The following DNAJB6 variants were observed in gnomAD, a reference collection of about 807,000 sequenced individuals.
The protein encoded by DNAJB6 is dnaJ homolog subfamily B member 6.
Under a neutral mutation model 42.7 loss-of-function variants are expected in DNAJB6, and 16 were observed. That is an observed-to-expected ratio of 0.37 (90% CI 0.25 to 0.57). The LOEUF (loss-of-function observed/expected upper bound fraction) is 0.57, where lower values mean the gene tolerates loss of function less well. Ranked by LOEUF, DNAJB6 falls within the 20% of genes least tolerant of loss-of-function variation. The pLI is 0.74. For synonymous variants in DNAJB6, 170 were observed against 163.5 expected (o/e 1.04, Z -0.30); for missense variants, 347 against 416.8 (o/e 0.83, Z 1.46).
At chr7:157,342,829 C>T (rs1390601737) in intron 1 of DNAJB6, among the ~76,000 whole-genome samples, 2 of 152,008 alleles carry the variant, frequency 1.3e-5, no homozygotes, top group Non-Finnish European at 2.9e-5. Context: ...AAGAAATGGT[C>T]TCTGATCTTG....
chr7:157,367,238 T>C lies in DNAJB6; in HGVS notation c.236-135T>C. On this transcript the variant is annotated intron_variant, in intron 4 of 9. Coordinates refer to ENST00000262177, the MANE Select transcript of DNAJB6 (RefSeq NM_058246.4). ...TCAGTACAGGGCTCATGTTTTGAAT[T>C]ATAGAGAACTTCAGGTTTATGAAAT... 4.7e-6 allele frequency: 3 copies of C among 635,450 alleles called. 1 individual carries two copies. Among genetic ancestry groups the C allele is most frequent in the Admixed American group, 5.2e-5 (2 of 38,360 alleles). The allele number at this position is 635,450 out of a possible 1,614,324, so 39.4% of individuals were successfully genotyped here. A position where few individuals can be genotyped will look rare whatever the true frequency, so the allele number is the denominator to read the frequency against.
intron 8 of DNAJB6, among the ~76,000 whole-genome samples, chr7:157,402,352 C>T (rs886206802): frequency 6.6e-5 from 10 of 152,230 alleles, no homozygotes; most frequent in African/African-American, 1.7e-4. Context: ...CCATGCTGCC[C>T]GTGCAGTGGC....
At chr7:157,343,264 A>G (rs763364667) in intron 1 of DNAJB6, among the ~76,000 whole-genome samples, 5 of 151,752 alleles carry the variant, frequency 3.3e-5, no homozygotes, top group Non-Finnish European at 5.9e-5. Context: ...GGTTCAAGCA[A>G]TTCTCCTGCC....
At chr7:157,386,036 A>G (rs1204279860) in intron 8 of DNAJB6, 1 of 989,702 alleles carries the variant, frequency 1.0e-6, no homozygotes, top group African/African-American at 1.7e-5. Flanking sequence ...CATTGCCAGG[A>G]CGATTCTTCT....
intron 8 of DNAJB6, among the ~76,000 whole-genome samples, chr7:157,390,282 C>T (rs891602597): frequency 6.6e-5 from 10 of 152,218 alleles, no homozygotes; most frequent in Admixed American, 5.2e-4. Context: ...GAAGGACCTG[C>T]GTCTTGGCTT....
chr7:157,366,653 G>GTATC (rs1468374604), intron 4 of DNAJB6, 92 bp downstream of exon 4: 21 of 1,193,150 alleles, frequency 1.8e-5, no homozygotes, highest in Non-Finnish European at 2.6e-5. Context: ...AGTCGATTTT[G>GTATC]TATCAGTAAA....
intron 8 of DNAJB6, among the ~76,000 whole-genome samples, chr7:157,402,902 G>C (rs75161008): frequency 0.012 from 1,844 of 152,278 alleles, 16 homozygotes; most frequent in Non-Finnish European, 0.02. Context: ...GTCTGCCTTC[G>C]TACTGTGAAC....
At chr7:157,350,947 T>A (rs1798939050) in intron 1 of DNAJB6, among the ~76,000 whole-genome samples, 1 of 151,708 alleles carries the variant, frequency 6.6e-6, no homozygotes, top group Admixed American at 6.6e-5. Context: ...CTTTTTTTTT[T>A]TTTTGAGACA....
intron 9 of DNAJB6, 77 bp from the exon 10 acceptor site, chr7:157,415,939 A>G (rs1796097397): frequency 6.2e-7 from 1 of 1,604,860 alleles, no homozygotes. Context: ...ATGGGGAGAT[A>G]TTTAGAAAAC....
At chr7:157,399,386 T>C (rs1801740289) in intron 8 of DNAJB6, among the ~76,000 whole-genome samples, 1 of 152,240 alleles carries the variant, frequency 6.6e-6, no homozygotes, top group South Asian at 2.1e-4. Context: ...TCAGGACATT[T>C]TGGCCAGTGG....
At chr7:157,373,502 C>G (rs991282932) in intron 5 of DNAJB6, among the ~76,000 whole-genome samples, 1 of 152,166 alleles carries the variant, frequency 6.6e-6, no homozygotes, top group Non-Finnish European at 1.5e-5. Flanking sequence ...AGGTACCCAC[C>G]ACCACACCTG....
At chr7:157,352,582 CTG>C (rs562581962) in intron 1 of DNAJB6, among the ~76,000 whole-genome samples, 1 of 152,046 alleles carries the variant, frequency 6.6e-6, no homozygotes, top group South Asian at 2.1e-4. Context: ...GTTCTCCTGA[CTG>C]TGCTCAGGCG....
intron 9 of DNAJB6, chr7:157,412,358 A>T (rs1178496092): frequency 6.6e-6 from 1 of 152,138 alleles, no homozygotes. Flanking sequence ...CTCATTATAC[A>T]ATGAGCACCT....
intron 1 of DNAJB6, among the ~76,000 whole-genome samples, chr7:157,341,777 T>C (rs1798401184): frequency 6.6e-6 from 1 of 152,236 alleles, no homozygotes; most frequent in African/African-American, 2.4e-5. Context: ...GTGTATGTCC[T>C]GATGACCTTC....
At chr7:157,404,511 CTTTTCTTTTTTT>C (rs1795680391) in intron 8 of DNAJB6, among the ~76,000 whole-genome samples, 1 of 58,552 alleles carries the variant, frequency 1.7e-5, no homozygotes, top group Admixed American at 1.7e-4. Context: ...TGTCTTTTTT[CTTTTCTTTTTTT>C]TTTTTGGTAA....
intron 1 of DNAJB6, among the ~76,000 whole-genome samples, chr7:157,345,849 G>A (rs545294966): frequency 3.9e-5 from 6 of 152,276 alleles, no homozygotes; most frequent in African/African-American, 1.2e-4. Context: ...TCTGATGTGA[G>A]TGATCTGCTG....
intron 1 of DNAJB6, among the ~76,000 whole-genome samples, chr7:157,351,619 T>G (rs961983862): frequency 6.8e-6 from 1 of 147,984 alleles, no homozygotes; most frequent in Non-Finnish European, 1.5e-5. Flanking sequence ...GGTGACATAG[T>G]GAGACTCTGT....
intron 4 of DNAJB6, among the ~76,000 whole-genome samples, chr7:157,367,037 C>T (rs1799879222): frequency 6.6e-6 from 1 of 152,154 alleles, no homozygotes; most frequent in Non-Finnish European, 1.5e-5. Context: ...GGAGGCCAGT[C>T]GTCGAAGTGG....
intron 5 of DNAJB6, 138 bp from the exon 6 acceptor site, chr7:157,382,108 A>T: frequency 1.1e-6 from 1 of 879,592 alleles, no homozygotes; most frequent in Non-Finnish European, 1.6e-6. Flanking sequence ...CTCTGTAGAT[A>T]AGCTCTTTTG....
Sources: allele counts gnomAD v4.1 joint callset (sites outside exome capture counted in the v4.1 genomes callset), GRCh38; gene constraint gnomAD v4.1.1; transcripts MANE v1.5; gene names NCBI Gene and HGNC (gene_info 2026-07-23, HGNC 2026-07-21).